The following FHIT variants were observed in gnomAD, a reference collection of about 807,000 sequenced individuals.
FHIT encodes the protein bis(5'-adenosyl)-triphosphatase.
A neutral mutation model predicts 17.9 loss-of-function variants in FHIT; 19 were observed. The observed-to-expected ratio is 1.06, with a 90% CI of 0.74 to 1.56. FHIT has a LOEUF of 1.56. Ranked by LOEUF, FHIT falls within the 40% of genes most tolerant of loss-of-function variation. The pLI, the probability that FHIT is intolerant of heterozygous loss-of-function variation, is 0.00. For synonymous variants in FHIT, 81 were observed against 69.7 expected, an observed-to-expected ratio of 1.16 and a Z score of -0.81; for missense variants, 248 against 189.2, an observed-to-expected ratio of 1.31 and a Z score of -1.82.
At chr3:60,253,828 C>T (rs1225696127) in intron 5 of FHIT, among the ~76,000 whole-genome samples, 3 of 152,142 alleles carry the variant, frequency 2.0e-5, no homozygotes, top group Non-Finnish European at 2.9e-5. Context: ...GTATCCTTCT[C>T]CAGAATGCAC....
chr3:61,020,296 G>C (rs1292183934), intron 3 of FHIT, among the ~76,000 whole-genome samples: 1 of 152,182 alleles, frequency 6.6e-6, no homozygotes, highest in African/African-American at 2.4e-5. Flanking sequence ...CAGTGATGAT[G>C]AGTTTTTCTT....
In FHIT at chr3:60,407,502, T is replaced by C. The variant is rs377408101; in HGVS notation, c.103+129358A>G. On this transcript the variant is annotated intron_variant, in intron 5 of 9. Transcript: ENST00000492590. ...GATAATATTCAATGGGAATAGGATA[T>C]GCAAATGTACATACTATATTTTTTA... Among the ~76,000 whole-genome samples, 13 of 152,308 alleles carry C rather than the reference T, an allele frequency of 8.5e-5. 1 individual carries two copies. The highest frequency in any genetic ancestry group is 2.1e-4 in the South Asian group (1 of 4,826).
At chr3:60,531,839 G>T (rs2035798886) in intron 5 of FHIT, among the ~76,000 whole-genome samples, 1 of 152,290 alleles carries the variant, frequency 6.6e-6, no homozygotes, top group South Asian at 2.1e-4. Context: ...ACTTAACATT[G>T]CTCTTTGGAA....
Position 59,871,147 on chromosome 3 carries a change from G to T in FHIT, c.348+51199C>A, listed in dbSNP as rs188225261. On this transcript the variant is annotated intron_variant, in intron 8 of 9. Transcript: ENST00000492590. Reference sequence around the variant, plus strand: ...TGATCCTCCAGCGACATTTTGAATGGCCTACTCCATAATTTTTTGATACAG... The same window carrying T: ...TGATCCTCCAGCGACATTTTGAATGTCCTACTCCATAATTTTTTGATACAG... 2.1e-3 allele frequency among the ~76,000 whole-genome samples: 320 copies of T among 152,162 alleles called. 2 individuals are homozygous for T. The highest frequency in any genetic ancestry group is 7.3e-3 in the African/African-American group (301 of 41,484).
At chr3:60,557,460 C>T (rs952186058) in intron 4 of FHIT, among the ~76,000 whole-genome samples, 1 of 151,996 alleles carries the variant, frequency 6.6e-6, no homozygotes, top group Admixed American at 6.6e-5. Context: ...TGCACAATCA[C>T]TGCTACCCAC....
intron 2 of FHIT, among the ~76,000 whole-genome samples, chr3:61,057,769 C>T (rs775707057): frequency 3.9e-5 from 6 of 152,282 alleles, no homozygotes; most frequent in Middle Eastern, 3.4e-3. Context: ...AGGAGTCAAG[C>T]GTCACTAAAA....
chr3:60,598,646 A>T (rs540045997), intron 4 of FHIT, among the ~76,000 whole-genome samples: 3 of 152,228 alleles, frequency 2.0e-5, no homozygotes, highest in Non-Finnish European at 4.4e-5. Flanking sequence ...GCATATTATC[A>T]GCACCAAAAA....
At chr3:60,506,137 T>C (rs1042599679) in intron 5 of FHIT, among the ~76,000 whole-genome samples, 4 of 152,210 alleles carry the variant, frequency 2.6e-5, no homozygotes, top group Non-Finnish European at 5.9e-5. Flanking sequence ...ACAGACAATA[T>C]AATTGAGCTT....
At chr3:61,248,341 T>C (rs1051380024) in intron 1 of FHIT, among the ~76,000 whole-genome samples, 4 of 152,138 alleles carry the variant, frequency 2.6e-5, no homozygotes, top group African/African-American at 9.7e-5. Flanking sequence ...GAGGAGAACT[T>C]CTCAAATAGA....
chr3:60,150,400 A>G (rs1700414663), intron 5 of FHIT, among the ~76,000 whole-genome samples: 1 of 152,110 alleles, frequency 6.6e-6, no homozygotes, highest in South Asian at 2.1e-4. Context: ...CCTAGTGGGG[A>G]TATGGCAATG....
At chr3:60,837,023 T>C (rs1417855364) in intron 3 of FHIT, among the ~76,000 whole-genome samples, 2 of 152,154 alleles carry the variant, frequency 1.3e-5, no homozygotes, top group African/African-American at 2.4e-5. Context: ...ATGCTTTAAG[T>C]TCCTGAGCAG....
intron 5 of FHIT, among the ~76,000 whole-genome samples, chr3:60,405,604 T>C (rs560651059): frequency 6.6e-6 from 1 of 152,340 alleles, no homozygotes; most frequent in South Asian, 2.1e-4. Context: ...GCGCCCCCTG[T>C]GGCAGGTAGA....
intron 1 of FHIT, among the ~76,000 whole-genome samples, chr3:61,209,510 T>C (rs1412043884): frequency 7.3e-6 from 1 of 136,534 alleles, no homozygotes; most frequent in African/African-American, 2.7e-5. Flanking sequence ...GAGGCTTTGT[T>C]TGTTTCTTTT....
At position 60,363,715 on chromosome 3, in the gene FHIT, C is replaced by T. The variant is rs530501315; in HGVS notation, c.103+173145G>A. On this transcript the variant is annotated intron_variant, in intron 5 of 9. Coordinates refer to ENST00000492590, the MANE Select transcript of FHIT (RefSeq NM_002012.4). ...CTCTGCTCCACTGTGCTCTGTACCC[C>T]AGGAGTCTGGCCTCCGTGAACTCCA... Among the ~76,000 whole-genome samples, 8 of 152,270 alleles carry T rather than the reference C, an allele frequency of 5.3e-5. No homozygotes were observed. In the South Asian group the frequency reaches 6.2e-4, roughly 12 times the overall value.
intron 3 of FHIT, among the ~76,000 whole-genome samples, chr3:61,016,169 C>G (rs188524273): frequency 6.6e-6 from 1 of 152,278 alleles, no homozygotes; most frequent in East Asian, 1.9e-4. Flanking sequence ...CTAGGCAAGG[C>G]CTCTCATCAC....
At chr3:60,377,367 C>A (rs1413198286) in intron 5 of FHIT, among the ~76,000 whole-genome samples, 1 of 151,032 alleles carries the variant, frequency 6.6e-6, no homozygotes, top group Non-Finnish European at 1.5e-5. Context: ...CCATATTGGC[C>A]AGGATGGTCT....
chr3:60,077,163 C>T (rs1001276927), intron 5 of FHIT, among the ~76,000 whole-genome samples: 9 of 151,812 alleles, frequency 5.9e-5, no homozygotes, highest in Non-Finnish European at 7.4e-5. Flanking sequence ...ATATTTCAGG[C>T]AGAAAGAGAG....
intron 4 of FHIT, among the ~76,000 whole-genome samples, chr3:60,610,444 T>G (rs1222252673): frequency 6.6e-6 from 1 of 152,224 alleles, no homozygotes; most frequent in East Asian, 1.9e-4. Context: ...ATGCTAGAGT[T>G]TCTACGCAAT....
chr3:59,818,131 T>G (rs1171991806), intron 8 of FHIT, among the ~76,000 whole-genome samples: 1 of 151,906 alleles, frequency 6.6e-6, no homozygotes, highest in Non-Finnish European at 1.5e-5. Context: ...AGGAGGCCTT[T>G]GATCCATTCC....
Sources: gnomAD v4.1 joint callset for allele counts (sites outside exome capture counted in the v4.1 genomes callset) on GRCh38, gnomAD v4.1.1 for gene constraint, MANE v1.5 for transcripts, NCBI Gene and HGNC (gene_info 2026-07-23, HGNC 2026-07-21) for gene names.